The following CNIH3 variants were observed in gnomAD, a reference collection of about 807,000 sequenced individuals.
The protein encoded by CNIH3 is protein cornichon homolog 3.
In CNIH3, 14 loss-of-function variants were observed where a neutral mutation model predicts 24.1. The observed-to-expected ratio is 0.58, with a 90% confidence interval of 0.38 to 0.91. CNIH3 has a LOEUF of 0.91. CNIH3 is among the 40% of genes least tolerant of loss of function. The pLI is 0.00. For missense variants in CNIH3, 178 were observed against 196.8 expected (o/e 0.90, Z 0.57); for synonymous variants, 68 against 73.8 (o/e 0.92, Z 0.40).
At chr1:224,585,395 C>A (rs1049288905) in intron 5 of CNIH3, among the ~76,000 whole-genome samples, 2 of 152,108 alleles carry the variant, frequency 1.3e-5, no homozygotes, top group Non-Finnish European at 2.9e-5. Context: ...TTCAAGGGAC[C>A]ACATGTGTGC....
intron 1 of CNIH3, among the ~76,000 whole-genome samples, chr1:224,485,028 G>T (rs919095641): frequency 2.0e-5 from 3 of 152,104 alleles, no homozygotes; most frequent in African/African-American, 7.2e-5. Flanking sequence ...TTGATTGTAT[G>T]CCAGACATTG....
At chr1:224,715,895 T>C (rs925652229) in intron 3 of CNIH3, among the ~76,000 whole-genome samples, 2 of 152,260 alleles carry the variant, frequency 1.3e-5, no homozygotes, top group Middle Eastern at 3.4e-3. Flanking sequence ...AACATGAGAT[T>C]TGGAGAGGTC....
intron 1 of CNIH3, among the ~76,000 whole-genome samples, chr1:224,475,444 T>C (rs1403007622): frequency 6.6e-6 from 1 of 151,750 alleles, no homozygotes; most frequent in Non-Finnish European, 1.5e-5. Flanking sequence ...GGATGATTAG[T>C]GGCTATGAGC....
At chr1:224,603,315 A>C (rs1682284515) in intron 3 of CNIH3, among the ~76,000 whole-genome samples, 1 of 152,182 alleles carries the variant, frequency 6.6e-6, no homozygotes, top group South Asian at 2.1e-4. Context: ...CTTCTGCTTA[A>C]TTTTTCCCTT....
chr1:224,451,899 T>A (rs138606729), intron 1 of CNIH3, among the ~76,000 whole-genome samples: 5 of 152,224 alleles, frequency 3.3e-5, no homozygotes, highest in Non-Finnish European at 7.4e-5. Context: ...GACTTCTGGT[T>A]TCTCTTCAAA....
At chr1:224,635,961 G>A (rs927755718) in intron 1 of CNIH3, among the ~76,000 whole-genome samples, 4 of 152,094 alleles carry the variant, frequency 2.6e-5, no homozygotes, top group Admixed American at 1.3e-4. Context: ...TGATCCTCCT[G>A]CCTTGGCCTC....
chr1:224,524,534 G>C (rs1678770033), intron 2 of CNIH3, among the ~76,000 whole-genome samples: 1 of 152,136 alleles, frequency 6.6e-6, no homozygotes, highest in Non-Finnish European at 1.5e-5. Context: ...CTTGGTCTTG[G>C]AGCTGGGTGC....
intron 1 of CNIH3, chr1:224,434,906 G>C (rs1406940851): frequency 1.0e-6 from 1 of 985,790 alleles, no homozygotes; most frequent in Non-Finnish European, 1.2e-6. Context: ...CGTGCATCGG[G>C]GGCTGTCCCG....
chr1:224,604,414 G>A lies in CNIH3; in HGVS notation n.402+38150G>A, dbSNP rs893340979. Among the ~76,000 whole-genome samples, 1 of 152,246 alleles carries A rather than the reference G, an allele frequency of 6.6e-6. No individual in the cohort carries two copies. Among genetic ancestry groups the A allele is most frequent in the South Asian group, 2.1e-4 (1 of 4,832 alleles). Reference sequence around the variant, plus strand: ...CTGTCTCTGACGGGGAGGGGTGGGAGAGAAGAGATAATGCCTTTGCCAACA... The same window carrying A: ...CTGTCTCTGACGGGGAGGGGTGGGAAAGAAGAGATAATGCCTTTGCCAACA... On this transcript the variant is annotated intron_variant and non_coding_transcript_variant, in intron 3 of 7. Coordinates refer to the CNIH3 transcript ENST00000478120. The surrounding 1 kb of genome is among the most constrained non-coding windows in gnomAD (Gnocchi z 4.4).
intron 3 of CNIH3, among the ~76,000 whole-genome samples, chr1:224,696,637 C>T (rs1687191022): frequency 6.6e-6 from 1 of 152,152 alleles, no homozygotes; most frequent in Non-Finnish European, 1.5e-5. Context: ...TTGTGGGGAG[C>T]TGGGAAGTGC....
intron 1 of CNIH3, among the ~76,000 whole-genome samples, chr1:224,650,220 C>G (rs1684799345): frequency 6.6e-6 from 1 of 152,106 alleles, no homozygotes; most frequent in South Asian, 2.1e-4. Context: ...GCTTGGGAGA[C>G]TGGATAACCT....
intron 1 of CNIH3, among the ~76,000 whole-genome samples, chr1:224,647,055 C>T (rs572987657): frequency 9.1e-4 from 138 of 152,166 alleles, no homozygotes; most frequent in African/African-American, 3.3e-3. Context: ...GGTGCAGTCT[C>T]GGCTCGCTGC....
chr1:224,493,634 T>C (rs1212179215), intron 1 of CNIH3, among the ~76,000 whole-genome samples: 2 of 152,182 alleles, frequency 1.3e-5, no homozygotes, highest in Non-Finnish European at 2.9e-5. Flanking sequence ...CTTGTTTCAG[T>C]TACAGTAAAA....
intron 1 of CNIH3, among the ~76,000 whole-genome samples, chr1:224,499,018 T>C (rs1677548537): frequency 6.6e-6 from 1 of 152,232 alleles, no homozygotes; most frequent in South Asian, 2.1e-4. Flanking sequence ...ATGCCAGGAC[T>C]GGCACCCGCT....
chr1:224,522,876 C>A (rs1197833763), intron 2 of CNIH3, among the ~76,000 whole-genome samples: 1 of 152,172 alleles, frequency 6.6e-6, no homozygotes, highest in African/African-American at 2.4e-5. Context: ...CAAATGTATG[C>A]ATATCTTACT....
chr1:224,739,304 T>C, intron 5 of CNIH3, 25 bp from the exon 6 acceptor site: 4 of 1,466,028 alleles, frequency 2.7e-6, no homozygotes, highest in South Asian at 1.3e-5. Context: ...TCTTTTTTTT[T>C]TTTTTTTTTT....
intron 1 of CNIH3, among the ~76,000 whole-genome samples, chr1:224,448,062 G>A (rs1675237592): frequency 6.6e-6 from 1 of 152,148 alleles, no homozygotes; most frequent in Non-Finnish European, 1.5e-5. Flanking sequence ...GCAGATGGGG[G>A]CTGGAGGAGG....
intron 3 of CNIH3, among the ~76,000 whole-genome samples, chr1:224,594,479 A>G (rs1015719314): frequency 6.6e-6 from 1 of 152,214 alleles, no homozygotes; most frequent in South Asian, 2.1e-4. Flanking sequence ...CACATGGGGC[A>G]GGCTCTGGAA....
At chr1:224,649,436 A>G (rs1684763774) in intron 1 of CNIH3, among the ~76,000 whole-genome samples, 1 of 152,218 alleles carries the variant, frequency 6.6e-6, no homozygotes, top group Non-Finnish European at 1.5e-5. Context: ...ACTGTAGGAT[A>G]ATAAACTGTG....
Sources: allele counts gnomAD v4.1 joint callset (sites outside exome capture counted in the v4.1 genomes callset), GRCh38; gene constraint gnomAD v4.1.1; non-coding constraint Gnocchi (gnomAD v3.1); transcripts MANE v1.5; gene names NCBI Gene and HGNC (gene_info 2026-07-23, HGNC 2026-07-21).